B3GALT1: variants seen among roughly 807,000 people sequenced by gnomAD.
B3GALT1 encodes beta-1,3-galactosyltransferase 1, also known as UDP-Gal:betaGlcNAc beta 1,3-galactosyltransferase, polypeptide 1.
Under a neutral mutation model 23.2 loss-of-function variants are expected in B3GALT1, and 10 were observed. The ratio of observed to expected loss-of-function variants is 0.43; its 90% CI spans 0.27 to 0.73. The LOEUF is 0.73. Ranked by LOEUF, B3GALT1 falls within the 30% of genes least tolerant of loss-of-function variation. B3GALT1 has a pLI of 0.21. For missense variants in B3GALT1, 299 were observed against 405.4 expected, an observed-to-expected ratio of 0.74 and a Z score of 2.25; for synonymous variants, 156 against 141.5, an observed-to-expected ratio of 1.10 and a Z score of -0.73.
At chr2:167,306,078 T>C (rs780481491) in intron 1 of B3GALT1, among the ~76,000 whole-genome samples, 24 of 152,088 alleles carry the variant, frequency 1.6e-4, no homozygotes, top group Non-Finnish European at 2.6e-4. Context: ...GCATTAATAC[T>C]ACTTCTAGGA....
At chr2:167,702,537 A>G (rs1288157231) in intron 3 of B3GALT1, among the ~76,000 whole-genome samples, 1 of 152,214 alleles carries the variant, frequency 6.6e-6, no homozygotes, top group Non-Finnish European at 1.5e-5. Context: ...TAAATGTTCC[A>G]GATATTGATT....
rs1190538413 is a variant in B3GALT1 at position 167,846,328 on chromosome 2, A to C, written c.-229-22483A>C. ...TACCTAAAGAGAAGACAAAGGAAAG[A>C]ATGTTAAGAAATGTGAGACAGAAGC... On this transcript the variant is annotated intron_variant, in intron 4 of 4. Transcript: ENST00000392690. 2.0e-5 allele frequency among the ~76,000 whole-genome samples: 3 copies of C among 152,198 alleles called. No individual in the cohort carries two copies. In the East Asian group the frequency reaches 5.8e-4, roughly 29 times the overall value.
intron 1 of B3GALT1, among the ~76,000 whole-genome samples, chr2:167,372,436 G>C (rs1697700959): frequency 6.6e-6 from 1 of 152,036 alleles, no homozygotes; most frequent in African/African-American, 2.4e-5. Context: ...CCTAAGATTG[G>C]AGATGAAGCC....
chr2:167,803,648 G>A (rs988398343), intron 3 of B3GALT1, among the ~76,000 whole-genome samples: 3 of 152,166 alleles, frequency 2.0e-5, no homozygotes, highest in Non-Finnish European at 4.4e-5. Context: ...CCATCCCTTT[G>A]ACCTTTAGCA....
chr2:167,700,174 T>C (rs1381831537), intron 3 of B3GALT1, among the ~76,000 whole-genome samples: 5 of 152,120 alleles, frequency 3.3e-5, no homozygotes, highest in African/African-American at 1.2e-4. Flanking sequence ...CCTTTGAGCC[T>C]AAGAGGCTGC....
chr2:167,464,224 G>A (rs991048810), intron 1 of B3GALT1, among the ~76,000 whole-genome samples: 10 of 151,658 alleles, frequency 6.6e-5, no homozygotes, highest in African/African-American at 2.4e-4. Flanking sequence ...AAGCATCAAA[G>A]GTATGATCAA....
At chr2:167,759,405 C>T (rs571382303) in intron 3 of B3GALT1, among the ~76,000 whole-genome samples, 12 of 152,352 alleles carry the variant, frequency 7.9e-5, no homozygotes, top group Non-Finnish European at 1.5e-4. Flanking sequence ...ATGTGGAGAA[C>T]TAGACTAGGG....
chr2:167,688,793 A>G (rs757638247), intron 3 of B3GALT1, among the ~76,000 whole-genome samples: 5 of 152,152 alleles, frequency 3.3e-5, no homozygotes, highest in Admixed American at 6.6e-5. Flanking sequence ...CCACAAACCT[A>G]TAGATTTATG....
At position 167,386,547 on chromosome 2, in the gene B3GALT1, AT is replaced by A. The variant is rs535303285; in HGVS notation, c.-511+93223del. 1.8e-3 allele frequency among the ~76,000 whole-genome samples: 264 copies of A among 150,630 alleles called. 1 individual carries two copies. The highest frequency in any genetic ancestry group is 5.6e-3 in the African/African-American group (232 of 41,082). On this transcript the variant is annotated intron_variant, in intron 1 of 4. Coordinates refer to ENST00000392690, the MANE Select transcript of B3GALT1 (RefSeq NM_020981.4). The stretch of plus-strand genomic sequence containing the variant: ...ACCTGGGATATCACCAGGTATTGAA[AT>A]TTTTTTTTTCTGAAAGTTTTTGAAG...
At chr2:167,449,121 A>C (rs2105318915) in intron 1 of B3GALT1, among the ~76,000 whole-genome samples, 1 of 152,138 alleles carries the variant, frequency 6.6e-6, no homozygotes, top group South Asian at 2.1e-4. Context: ...TTTTTTTTCT[A>C]GTTCTGTGAA....
At chr2:167,681,218 T>C (rs1002763267) in intron 3 of B3GALT1, among the ~76,000 whole-genome samples, 11 of 152,176 alleles carry the variant, frequency 7.2e-5, no homozygotes, top group Non-Finnish European at 1.6e-4. Context: ...AGCATTTTGC[T>C]TTCAAGGAGT....
At chr2:167,371,307 A>G (rs1697681192) in intron 1 of B3GALT1, among the ~76,000 whole-genome samples, 1 of 152,184 alleles carries the variant, frequency 6.6e-6, no homozygotes, top group Non-Finnish European at 1.5e-5. Context: ...ATAAAGTCAC[A>G]TCTTTAATTT....
At chr2:167,863,091 C>T (rs1312133602) in intron 4 of B3GALT1, among the ~76,000 whole-genome samples, 2 of 152,052 alleles carry the variant, frequency 1.3e-5, no homozygotes, top group Non-Finnish European at 2.9e-5. Flanking sequence ...ACTAACTGGT[C>T]TGTTAAAAAA....
At chr2:167,738,483 G>A (rs1558964175) in intron 3 of B3GALT1, among the ~76,000 whole-genome samples, 2 of 152,248 alleles carry the variant, frequency 1.3e-5, no homozygotes, top group East Asian at 3.9e-4. Context: ...TTCATCTTTA[G>A]TTTTTATCAA....
At chr2:167,344,556 T>G (rs1202634306) in intron 1 of B3GALT1, among the ~76,000 whole-genome samples, 1 of 152,088 alleles carries the variant, frequency 6.6e-6, no homozygotes, top group Non-Finnish European at 1.5e-5. Flanking sequence ...ACATGCCAAG[T>G]AGAAAAAAAG....
chr2:167,363,988 G>A (rs1476544354), intron 1 of B3GALT1, among the ~76,000 whole-genome samples: 3 of 151,668 alleles, frequency 2.0e-5, no homozygotes, highest in South Asian at 2.1e-4. Context: ...GTGAAACCCC[G>A]TCTCTACTAA....
chr2:167,835,843 G>A (rs1008089801), intron 4 of B3GALT1, among the ~76,000 whole-genome samples: 13 of 152,304 alleles, frequency 8.5e-5, no homozygotes, highest in African/African-American at 1.7e-4. Context: ...CCAGAGGAAC[G>A]ATCAGACAGC....
At chr2:167,449,169 C>A (rs1699050053) in intron 1 of B3GALT1, among the ~76,000 whole-genome samples, 1 of 152,048 alleles carries the variant, frequency 6.6e-6, no homozygotes, top group Non-Finnish European at 1.5e-5. Flanking sequence ...TGCATTGAAT[C>A]TGTAGATTGC....
chr2:167,798,630 C>G (rs1688581976), intron 3 of B3GALT1, among the ~76,000 whole-genome samples: 1 of 152,084 alleles, frequency 6.6e-6, no homozygotes, highest in Admixed American at 6.6e-5. Flanking sequence ...CTATTATGTT[C>G]TATTGGTCTA....
Sources: gnomAD v4.1 joint callset for allele counts (sites outside exome capture counted in the v4.1 genomes callset) on GRCh38, gnomAD v4.1.1 for gene constraint, MANE v1.5 for transcripts, NCBI Gene and HGNC (gene_info 2026-07-23, HGNC 2026-07-21) for gene names.